CD99L2: variants seen among roughly 807,000 people sequenced by gnomAD.
The protein encoded by CD99L2 is CD99 antigen-like protein 2.
In CD99L2, 24 loss-of-function variants were observed where a neutral mutation model predicts 27.3. The observed-to-expected ratio is 0.88, with a 90% CI of 0.64 to 1.24. CD99L2 has a LOEUF of 1.24. CD99L2 is among the 50% of genes most tolerant of loss of function. The probability of loss-of-function intolerance (pLI) is 0.00; values close to 1 mark genes in which losing one functional copy is unlikely to be tolerated. For synonymous variants in CD99L2, 97 were observed against 87.9 expected, an observed-to-expected ratio of 1.10 and a Z score of -0.58; for missense variants, 255 against 221.6, an observed-to-expected ratio of 1.15 and a Z score of -0.96.
intron 1 of CD99L2, among the ~76,000 whole-genome samples, chrX:150,854,796 T>C (rs1338003368): frequency 9.0e-6 from 1 of 111,055 alleles, no homozygotes; most frequent in African/African-American, 3.3e-5. Flanking sequence ...TCCAGAATCA[T>C]GAGATTATAC....
intron 10 of CD99L2, among the ~76,000 whole-genome samples, 174 bp from the exon 11 acceptor site, chrX:150,769,275 A>T (rs1210774737): frequency 1.8e-5 from 2 of 111,794 alleles, no homozygotes; most frequent in African/African-American, 6.5e-5. Flanking sequence ...GGTCAAGGGG[A>T]GAGAAAGAGA....
intron 1 of CD99L2, among the ~76,000 whole-genome samples, chrX:150,838,895 C>A (rs2124261395): frequency 2.5e-5 from 1 of 40,257 alleles, no homozygotes; most frequent in Admixed American, 4.2e-4. Flanking sequence ...ATAATCATAT[C>A]AGTAAAAAAA....
At chrX:150,864,664 G>A (rs782363244) in intron 1 of CD99L2, among the ~76,000 whole-genome samples, 19 of 112,517 alleles carry the variant, frequency 1.7e-4, no homozygotes, top group African/African-American at 6.1e-4. Context: ...ATAGCAACAC[G>A]AAGAGATCTT....
At chrX:150,809,552 A>G (rs140246535) in intron 4 of CD99L2, among the ~76,000 whole-genome samples, 1,318 of 112,452 alleles carry the variant, frequency 0.012, 12 homozygotes, top group Non-Finnish European at 0.019. Flanking sequence ...AGTTTTGAGT[A>G]TTGGATAAGG....
chrX:150,872,578 C>T (rs1441064084), intron 1 of CD99L2, among the ~76,000 whole-genome samples: 1 of 93,331 alleles, frequency 1.1e-5, no homozygotes, highest in African/African-American at 4.1e-5. Flanking sequence ...ATACTAGATA[C>T]GAGTGGAAAA....
chrX:150,786,299 T>C (rs1343411124), intron 7 of CD99L2, among the ~76,000 whole-genome samples: 3 of 110,770 alleles, frequency 2.7e-5, no homozygotes, highest in African/African-American at 9.9e-5. Flanking sequence ...GGGGATTTGT[T>C]GTACAGATTA....
At chrX:150,836,113 T>C (rs2046522944) in intron 1 of CD99L2, among the ~76,000 whole-genome samples, 1 of 111,698 alleles carries the variant, frequency 9.0e-6, no homozygotes. Flanking sequence ...AGCTACTGTT[T>C]CCTCTAGATG....
chrX:150,797,703 G>A (rs2045818792), intron 4 of CD99L2, among the ~76,000 whole-genome samples: 1 of 111,670 alleles, frequency 9.0e-6, no homozygotes, highest in Non-Finnish European at 1.9e-5. Flanking sequence ...CAACACGTGT[G>A]GTACTGACAT....
At chrX:150,890,651 T>C (rs1216769404) in intron 1 of CD99L2, among the ~76,000 whole-genome samples, 47 of 95,209 alleles carry the variant, frequency 4.9e-4, no homozygotes, top group Non-Finnish European at 8.8e-4. Context: ...ATGGACACAA[T>C]TAGCTGAAGC....
chrX:150,805,590 A>G (rs192176476), intron 4 of CD99L2, among the ~76,000 whole-genome samples: 26 of 111,729 alleles, frequency 2.3e-4, no homozygotes, highest in African/African-American at 7.8e-4. Context: ...TCATATTCAC[A>G]TAAGAACGTG....
chrX:150,806,891 C>CA (rs1225489136), intron 4 of CD99L2, among the ~76,000 whole-genome samples: 393 of 100,563 alleles, frequency 3.9e-3, no homozygotes, highest in South Asian at 7.9e-3. Flanking sequence ...AACTGCACCT[C>CA]AAAAAAAAAA....
Position 150,866,335 on chromosome X carries a change from T to C in CD99L2, c.67+32187A>G, listed in dbSNP as rs781840335. On this transcript the variant is annotated intron_variant, in intron 1 of 10. Transcript: ENST00000370377. The stretch of plus-strand genomic sequence containing the variant: ...AAACTAAGGAATTCTGAATAAAACA[T>C]GGACTTTAATAACAGTGTATCAATA... Among the ~76,000 whole-genome samples, 5 of 111,231 alleles carry C rather than the reference T, an allele frequency of 4.5e-5. No individual in the cohort carries two copies. The South Asian group carries it at 1.5e-3, about 33-fold the overall frequency.
intron 7 of CD99L2, among the ~76,000 whole-genome samples, chrX:150,782,307 T>G (rs896538161): frequency 8.9e-6 from 1 of 111,898 alleles, no homozygotes; most frequent in Admixed American, 9.4e-5. Flanking sequence ...CAAGTCAAAC[T>G]GAACTGAAAA....
intron 1 of CD99L2, among the ~76,000 whole-genome samples, chrX:150,862,699 C>T (rs2046996531): frequency 9.0e-6 from 1 of 111,487 alleles, no homozygotes; most frequent in African/African-American, 3.3e-5. Flanking sequence ...CTTTGCTGAG[C>T]TCTACTATAT....
intron 10 of CD99L2, among the ~76,000 whole-genome samples, chrX:150,769,807 G>A (rs782109055): frequency 7.1e-5 from 8 of 112,592 alleles, no homozygotes; most frequent in Non-Finnish European, 1.5e-4. Context: ...CTGAACTTAT[G>A]CGACCTCAAA....
intron 1 of CD99L2, among the ~76,000 whole-genome samples, chrX:150,845,655 G>T (rs1434283767): frequency 9.0e-6 from 1 of 111,435 alleles, no homozygotes; most frequent in Non-Finnish European, 1.9e-5. Context: ...CTGACTGGGG[G>T]TCCTAGAGCA....
At chrX:150,801,781 C>T (rs192426155) in intron 4 of CD99L2, among the ~76,000 whole-genome samples, 456 of 111,937 alleles carry the variant, frequency 4.1e-3, no homozygotes, top group Non-Finnish European at 5.4e-3. Context: ...TGAAAATCAA[C>T]GTAATCTACC....
chrX:150,790,789 T>C (rs1293695537), intron 7 of CD99L2, among the ~76,000 whole-genome samples: 1 of 111,944 alleles, frequency 8.9e-6, no homozygotes, highest in African/African-American at 3.3e-5. Context: ...TATGAAGTCA[T>C]GTTTAGGTTA....
chrX:150,801,703 A>G (rs1484574152), intron 4 of CD99L2, among the ~76,000 whole-genome samples: 3 of 112,240 alleles, frequency 2.7e-5, no homozygotes, highest in African/African-American at 9.7e-5. Flanking sequence ...ACAGAATAGA[A>G]TGTATAAAGA....
Sources: allele counts gnomAD v4.1 joint callset (sites outside exome capture counted in the v4.1 genomes callset), GRCh38; gene constraint gnomAD v4.1.1; transcripts MANE v1.5; gene names NCBI Gene and HGNC (gene_info 2026-07-23, HGNC 2026-07-21).